The following TIAM2 variants were observed in gnomAD, a reference collection of about 807,000 sequenced individuals.
TIAM2 encodes TIAM Rac1 associated GEF 2.
A neutral mutation model predicts 152.9 loss-of-function variants in TIAM2; 80 were observed. That is an observed-to-expected ratio of 0.52 (90% confidence interval 0.44 to 0.63). The LOEUF is 0.63. Ranked by LOEUF, TIAM2 falls within the 30% of genes least tolerant of loss-of-function variation. The pLI is 0.00. For synonymous variants in TIAM2, 804 were observed against 838.0 expected, an observed-to-expected ratio of 0.96 and a Z score of 0.70; for missense variants, 1,965 against 2,120.1, an observed-to-expected ratio of 0.93 and a Z score of 1.44.
chr6:155,061,775 C>T (rs955347349), intron 1 of TIAM2, among the ~76,000 whole-genome samples: 67 of 152,152 alleles, frequency 4.4e-4, no homozygotes, highest in African/African-American at 1.6e-3. Context: ...TGACAGTTTG[C>T]GTTCTATCCT....
intron 9 of TIAM2, among the ~76,000 whole-genome samples, chr6:155,172,250 G>A (rs1230980374): frequency 6.6e-6 from 1 of 152,120 alleles, no homozygotes; most frequent in East Asian, 1.9e-4. Context: ...AGTTGGAGCT[G>A]ACTGCAAGGT....
intron 15 of TIAM2, among the ~76,000 whole-genome samples, chr6:155,233,581 G>C (rs1782583609): frequency 6.6e-6 from 1 of 152,176 alleles, no homozygotes; most frequent in Non-Finnish European, 1.5e-5. Flanking sequence ...TTAGACGTCT[G>C]CCTGAATTCA....
chr6:155,109,684 C>T (rs1562319054), intron 2 of TIAM2, among the ~76,000 whole-genome samples: 1 of 152,054 alleles, frequency 6.6e-6, no homozygotes, highest in Admixed American at 6.6e-5. Flanking sequence ...AGAGATAGAA[C>T]GTTAGAGCTG....
intron 1 of TIAM2, among the ~76,000 whole-genome samples, chr6:154,996,065 C>T (rs531179596): frequency 6.6e-6 from 1 of 152,054 alleles, no homozygotes; most frequent in South Asian, 2.1e-4. Context: ...ACGGGCGCGG[C>T]TCCTGGGGGG....
At chr6:155,095,306 C>T (rs750919982) in intron 2 of TIAM2, among the ~76,000 whole-genome samples, 2 of 152,120 alleles carry the variant, frequency 1.3e-5, no homozygotes, top group Non-Finnish European at 2.9e-5. Flanking sequence ...ATGTTTAGTA[C>T]GAACAGAATC....
chr6:155,182,322 C>T lies in TIAM2; in HGVS notation c.2800+4C>T, dbSNP rs376686106. ...GATGGCCTGGCGTATGGGGAAGGTC[C>T]GTGTGGCACACCGTGCCCCTGTTGC... is the stretch of plus-strand genomic sequence containing the variant. On this transcript the variant is annotated splice_donor_region_variant and intron_variant, in intron 13 of 26. Coordinates refer to ENST00000682666, the MANE Select transcript of TIAM2 (RefSeq NM_012454.4). 12 of 1,612,588 alleles carry T rather than the reference C, an allele frequency of 7.4e-6. No individual in the cohort carries two copies. The highest frequency in any genetic ancestry group is 4.4e-5 in the South Asian group (4 of 91,034).
intron 7 of TIAM2, among the ~76,000 whole-genome samples, chr6:155,159,955 G>T (rs1044607231): frequency 6.6e-6 from 1 of 152,156 alleles, no homozygotes; most frequent in African/African-American, 2.4e-5. Flanking sequence ...TAAGTCAGGG[G>T]TCTCCAGAGA....
At chr6:155,078,471 T>C (rs766788230) in intron 1 of TIAM2, among the ~76,000 whole-genome samples, 8 of 152,230 alleles carry the variant, frequency 5.3e-5, no homozygotes, top group Non-Finnish European at 8.8e-5. Context: ...GACTTGGTGC[T>C]TCTCTGTGTC....
intron 1 of TIAM2, among the ~76,000 whole-genome samples, chr6:155,033,764 T>A (rs1248294178): frequency 6.6e-6 from 1 of 151,714 alleles, no homozygotes; most frequent in East Asian, 1.9e-4. Context: ...TCACCCAGGC[T>A]TGAGTGCAGT....
intron 9 of TIAM2, among the ~76,000 whole-genome samples, chr6:155,168,657 A>G (rs1389425251): frequency 2.0e-5 from 3 of 152,208 alleles, no homozygotes; most frequent in Admixed American, 6.5e-5. Flanking sequence ...AATAGATGAC[A>G]TAAAAAAGTA....
At chr6:155,162,399 T>C (rs1042817809) in intron 7 of TIAM2, among the ~76,000 whole-genome samples, 3 of 152,252 alleles carry the variant, frequency 2.0e-5, no homozygotes, top group Non-Finnish European at 4.4e-5. Flanking sequence ...CTACATATTA[T>C]TAGAAGACAA....
At chr6:155,040,480 G>A (rs181463338) in intron 1 of TIAM2, among the ~76,000 whole-genome samples, 2 of 152,250 alleles carry the variant, frequency 1.3e-5, no homozygotes, top group Admixed American at 1.3e-4. Flanking sequence ...TTTTGGTAAT[G>A]GTGGTGCTTT....
At chr6:155,102,139 G>C (rs1778564835) in intron 2 of TIAM2, among the ~76,000 whole-genome samples, 1 of 151,942 alleles carries the variant, frequency 6.6e-6, no homozygotes, top group Non-Finnish European at 1.5e-5. Context: ...TAGGGCTACA[G>C]GTGCGTGCCA....
At chr6:155,222,623 A>C (rs572022365) in intron 15 of TIAM2, among the ~76,000 whole-genome samples, 136 of 84,050 alleles carry the variant, frequency 1.6e-3, no homozygotes, top group South Asian at 4.4e-3. Flanking sequence ...CAAACAAAAA[A>C]AAAAAACACA....
intron 1 of TIAM2, among the ~76,000 whole-genome samples, chr6:155,029,484 ACT>A (rs1776763718): frequency 7.3e-5 from 1 of 13,778 alleles, no homozygotes; most frequent in Non-Finnish European, 1.4e-4. Context: ...TAGTATATAT[ACT>A]ATAGTATATA....
intron 8 of TIAM2, 32 bp downstream of exon 8, chr6:155,164,632 A>G (rs1780371498): frequency 1.3e-6 from 2 of 1,586,024 alleles, no homozygotes; most frequent in Admixed American, 1.7e-5. Context: ...TTTCTGCAGC[A>G]TTCGGGGAGG....
chr6:155,018,739 T>C (rs1433851614), intron 1 of TIAM2, among the ~76,000 whole-genome samples: 3 of 112 alleles, frequency 0.027, no homozygotes, highest in Non-Finnish European at 0.036. Flanking sequence ...CCCCTCCCCT[T>C]CCCTCCCCTC....
rs952635461 is a variant in TIAM2 at position 155,214,208 on chromosome 6, C to T, written c.3168+2901C>T. On this transcript the variant is annotated intron_variant, in intron 15 of 26. Coordinates refer to ENST00000682666, the MANE Select transcript of TIAM2 (RefSeq NM_012454.4). The surrounding 1 kb of genome is among the most constrained non-coding windows in gnomAD (Gnocchi z 5.4). Reference sequence around the variant, plus strand: ...CTCAGCTCCTGCTGGCTCCATGGAACGCACAGCGCTGGCCGTGCCTCCCCC... The same window carrying T: ...CTCAGCTCCTGCTGGCTCCATGGAATGCACAGCGCTGGCCGTGCCTCCCCC... Among the ~76,000 whole-genome samples, 1 of 152,356 alleles carries T rather than the reference C, an allele frequency of 6.6e-6. No individual in the cohort carries two copies. Among genetic ancestry groups the T allele is most frequent in the African/African-American group, 2.4e-5 (1 of 41,586 alleles).
intron 1 of TIAM2, among the ~76,000 whole-genome samples, chr6:155,058,056 A>G (rs2114933954): frequency 6.6e-6 from 1 of 152,196 alleles, no homozygotes; most frequent in Non-Finnish European, 1.5e-5. Context: ...GAGCTCTTTC[A>G]GGTGGCTCTT....
Sources: gnomAD v4.1 joint callset for allele counts (sites outside exome capture counted in the v4.1 genomes callset) on GRCh38, gnomAD v4.1.1 for gene constraint, Gnocchi (gnomAD v3.1) non-coding constraint, MANE v1.5 for transcripts, NCBI Gene and HGNC (gene_info 2026-07-23, HGNC 2026-07-21) for gene names.